CAPN15: variants seen among roughly 807,000 people sequenced by gnomAD.
CAPN15 encodes the protein calpain-15.
A neutral mutation model predicts 97.9 loss-of-function variants in CAPN15; 53 were observed. That is an observed-to-expected ratio of 0.54 (90% CI 0.43 to 0.68). The LOEUF (loss-of-function observed/expected upper bound fraction) is 0.68. CAPN15 is among the 30% of genes least tolerant of loss of function. The pLI is 0.00. For missense variants in CAPN15, 1,592 were observed against 1,589.8 expected, an observed-to-expected ratio of 1.00 and a Z score of -0.02; for synonymous variants, 922 against 722.5, an observed-to-expected ratio of 1.28 and a Z score of -4.43.
chr16:542,727 A>G (rs1211012748), intron 3 of CAPN15, among the ~76,000 whole-genome samples: 1 of 151,750 alleles, frequency 6.6e-6, no homozygotes, highest in Non-Finnish European at 1.5e-5. Flanking sequence ...AGCTGGAACT[A>G]CAGGCGTGCA....
At chr16:548,558 G>A (rs950826521) in intron 4 of CAPN15, among the ~76,000 whole-genome samples, 3 of 152,240 alleles carry the variant, frequency 2.0e-5, no homozygotes, top group Non-Finnish European at 2.9e-5. Context: ...CCCGAGCCCC[G>A]TCTGATGTGC....
At chr16:548,519 C>G (rs2034760746) in intron 4 of CAPN15, among the ~76,000 whole-genome samples, 1 of 152,236 alleles carries the variant, frequency 6.6e-6, no homozygotes, top group Non-Finnish European at 1.5e-5. Flanking sequence ...CCTTCACCCC[C>G]CTCAACCCTC....
chr16:548,889 G>A, intron 4 of CAPN15, 104 bp from the exon 5 acceptor site: 2 of 1,050,440 alleles, frequency 1.9e-6, no homozygotes, highest in South Asian at 2.7e-5. Context: ...TCCCTTTGGG[G>A]CTCAGGCAGT....
At position 545,226 on chromosome 16, in the gene CAPN15, A is replaced by G. The variant is rs535071488; in HGVS notation, c.-22-1591A>G. ...AGGGTTTCGGGTCTCTGAGCCCATG[A>G]ACCTGCCCAGGCCCTGCAGAGGTGA... On this transcript the variant is annotated intron_variant, in intron 3 of 13. Coordinates refer to ENST00000219611, the MANE Select transcript of CAPN15 (RefSeq NM_005632.3). Among the ~76,000 whole-genome samples, 11 of 152,204 alleles carry G rather than the reference A, an allele frequency of 7.2e-5. No individual in the cohort carries two copies. In the South Asian group the frequency reaches 2.3e-3, roughly 32 times the overall value.
Position 551,984 on chromosome 16 carries a change from G to T in CAPN15, c.2346-67G>T, listed in dbSNP as rs2035119210. 11 of 1,492,496 alleles carry T rather than the reference G, an allele frequency of 7.4e-6. No homozygotes were observed. The South Asian group carries it at 1.3e-4, about 18-fold the overall frequency. 92.5% of individuals were successfully genotyped at this position (1,492,496 alleles called of 1,614,324 possible). On this transcript the variant is annotated intron_variant, in intron 9 of 13. Coordinates refer to ENST00000219611, the MANE Select transcript of CAPN15 (RefSeq NM_005632.3). ...CTGGGGTCACCGGCCTGTGGTTGCG[G>T]TAGGCGCTGAGCCACGGAGGTGTGG...
intron 3 of CAPN15, among the ~76,000 whole-genome samples, chr16:543,015 C>T (rs948952286): frequency 2.0e-5 from 3 of 152,240 alleles, no homozygotes; most frequent in South Asian, 4.2e-4. Flanking sequence ...TGCACCACTG[C>T]ACTCCAGTGT....
At chr16:544,848 CGTCGCCTCCCCCA>C in intron 3 of CAPN15, among the ~76,000 whole-genome samples, 1 of 95,284 alleles carries the variant, frequency 1.0e-5, no homozygotes, top group Admixed American at 9.9e-5. Flanking sequence ...GCCTCCCCCA[CGTCGCCTCCCCCA>C]CGTCGCCTCC....
chr16:545,799 T>C (rs1444618740), intron 3 of CAPN15, among the ~76,000 whole-genome samples: 1 of 151,926 alleles, frequency 6.6e-6, no homozygotes, highest in Non-Finnish European at 1.5e-5. Flanking sequence ...CCTCCCGGAG[T>C]GGGGGCTGCA....
intron 3 of CAPN15, chr16:536,771 C>G (rs1453678029): frequency 1.3e-5 from 2 of 152,340 alleles, no homozygotes; most frequent in African/African-American, 2.4e-5. Context: ...ATCTGTCCAT[C>G]ATGAGTGGAC....
At chr16:534,201 G>C (rs2033500961) in intron 2 of CAPN15, among the ~76,000 whole-genome samples, 1 of 152,282 alleles carries the variant, frequency 6.6e-6, no homozygotes, top group Non-Finnish European at 1.5e-5. Context: ...TGTCGTGGGA[G>C]GCGACGGTGA....
At position 552,240 on chromosome 16, in the gene CAPN15, G is replaced by T; in HGVS notation, c.2507+28G>T. The T allele has an allele frequency of 1.3e-6, 2 of 1,534,070 alleles. No homozygotes were observed. The highest frequency in any genetic ancestry group is 2.5e-5 in the East Asian group (1 of 40,740). On this transcript the variant is annotated intron_variant, in intron 10 of 13. Coordinates refer to ENST00000219611, the MANE Select transcript of CAPN15 (RefSeq NM_005632.3). This position sits in a 1 kb window ranked among gnomAD's most constrained non-coding sequence, Gnocchi z 6.4. ...GGGTGCTGCGGGGCCCCATCGGGCT[G>T]GGCTGGGCTAGGCTGGCGGCCGTGA...
At chr16:532,862 A>G (rs1180097648) in intron 1 of CAPN15, among the ~76,000 whole-genome samples, 1 of 150,906 alleles carries the variant, frequency 6.6e-6, no homozygotes, top group East Asian at 2.0e-4. Context: ...GAGAAAAAAA[A>G]AAAAAAAACA....
Position 549,725 on chromosome 16 carries a change from C to T in CAPN15, c.1953C>T (p.Leu651=). 1.9e-6 allele frequency: 3 copies of T among 1,578,232 alleles called. No homozygotes were observed. The highest frequency in any genetic ancestry group is 2.4e-5 in the East Asian group (1 of 42,354). Reference sequence around the variant, plus strand: ...GCGCCATCGAAGGCCTGGCCACGCTCACCGGCGCCCCCTGTGAGAGCCTGG... The same window carrying T: ...GCGCCATCGAAGGCCTGGCCACGCTTACCGGCGCCCCCTGTGAGAGCCTGG... ...AGRAIEGLAT[L]TGAPCESLAL... The change falls in exon 7 of 14, where the codon CTC becomes CTT. Residue 651 remains leucine, a synonymous_variant. Transcript: ENST00000219611.
At chr16:533,822 TC>T (rs985233389) in intron 1 of CAPN15, 123 bp from the exon 2 acceptor site, 5 of 296,530 alleles carry the variant, frequency 1.7e-5, no homozygotes, top group Admixed American at 6.5e-5. Flanking sequence ...GCGAAGGGTC[TC>T]CCGGGGCTGA....
intron 3 of CAPN15, chr16:539,536 G>GT (rs1478790010): frequency 6.6e-6 from 1 of 152,268 alleles, no homozygotes; most frequent in Non-Finnish European, 1.5e-5. Context: ...GGTGGCTCTC[G>GT]CCCCTCTGGA....
chr16:547,216 G>A lies in CAPN15; in HGVS notation c.378G>A (p.Lys126=). The change falls in exon 4 of 14, where the codon AAG becomes AAA. Residue 126 remains lysine, a synonymous_variant. Coordinates refer to ENST00000219611, the MANE Select transcript of CAPN15 (RefSeq NM_005632.3). The stretch of plus-strand genomic sequence containing the variant: ...CCGCCAGGGGGCAGTGCGAGGACAA[G>A]GACGAGGAGGAGAAGGAGGAGCAGG... ...TEPARGQCED[K]DEEEKEEQEE... 1 of 1,526,796 alleles carries A rather than the reference G, an allele frequency of 6.5e-7. No homozygotes were observed. The highest frequency in any genetic ancestry group is 8.8e-7 in the Non-Finnish European group (1 of 1,142,668). 94.6% of individuals were successfully genotyped at this position (1,526,796 alleles called of 1,614,324 possible).
At position 529,105 on chromosome 16, in the gene CAPN15, C is replaced by T. The variant is rs189352942; in HGVS notation, c.-190+1076C>T. Among the ~76,000 whole-genome samples, 39 of 152,180 alleles carry T rather than the reference C, an allele frequency of 2.6e-4. 1 individual carries two copies. The East Asian group carries it at 7.3e-3, about 29-fold the overall frequency. On this transcript the variant is annotated intron_variant, in intron 1 of 13. Transcript: ENST00000219611. ...GCCTTGGGTTGGGTGTGCCTTGCCT[C>T]CTCCGAGGTCCTTCTGCTTGCGGGA... is the stretch of plus-strand genomic sequence containing the variant.
intron 8 of CAPN15, 33 bp downstream of exon 8, chr16:551,460 GC>G: frequency 6.2e-7 from 1 of 1,600,374 alleles, no homozygotes; most frequent in Non-Finnish European, 8.5e-7. Flanking sequence ...TGGGTGGGGT[GC>G]CGGTGAGACT....
At chr16:537,478 C>T in intron 3 of CAPN15, 1 of 981,626 alleles carries the variant, frequency 1.0e-6, no homozygotes, top group Non-Finnish European at 1.2e-6. Flanking sequence ...CTGAGGTTGG[C>T]CCTGGCAGGT....
Sources: gnomAD v4.1 joint callset for allele counts (sites outside exome capture counted in the v4.1 genomes callset) on GRCh38, gnomAD v4.1.1 for gene constraint, Gnocchi (gnomAD v3.1) non-coding constraint, MANE v1.5 for transcripts, NCBI Gene and HGNC (gene_info 2026-07-23, HGNC 2026-07-21) for gene names.